Variants in XKR6 observed in about 807,000 individuals in gnomAD.
XKR6 encodes XK related 6.
Under a neutral mutation model 56.7 loss-of-function variants are expected in XKR6, and 22 were observed. The observed-to-expected ratio is 0.39, with a 90% CI of 0.28 to 0.55. XKR6 has a LOEUF of 0.55. XKR6 is among the 20% of genes least tolerant of loss of function. The pLI, the probability that XKR6 is intolerant of heterozygous loss-of-function variation, is 0.66. For synonymous variants in XKR6, 524 were observed against 387.8 expected, an observed-to-expected ratio of 1.35 and a Z score of -4.13; for missense variants, 852 against 889.0, an observed-to-expected ratio of 0.96 and a Z score of 0.53.
At chr8:11,059,045 G>C (rs140537391) in intron 1 of XKR6, among the ~76,000 whole-genome samples, 53 of 152,310 alleles carry the variant, frequency 3.5e-4, no homozygotes, top group African/African-American at 1.3e-3. Flanking sequence ...CCTTGGGCCA[G>C]AAAGCGGGGC....
chr8:11,091,979 C>A (rs1798086594), intron 1 of XKR6, among the ~76,000 whole-genome samples: 1 of 152,164 alleles, frequency 6.6e-6, no homozygotes, highest in Non-Finnish European at 1.5e-5. Context: ...TGCAAAAACC[C>A]TGCGGTTCAG....
intron 1 of XKR6, among the ~76,000 whole-genome samples, chr8:11,134,329 CAT>C (rs1283332741): frequency 3.3e-5 from 5 of 152,278 alleles, no homozygotes; most frequent in Admixed American, 3.3e-4. Context: ...AGACTTCTGT[CAT>C]ATGTATCTTT....
chr8:11,068,052 G>A (rs184265500), intron 1 of XKR6, among the ~76,000 whole-genome samples: 100 of 152,324 alleles, frequency 6.6e-4, no homozygotes, highest in Non-Finnish European at 5.3e-4. Flanking sequence ...TTTTCCTCCT[G>A]TCTCCAGGGC....
intron 1 of XKR6, among the ~76,000 whole-genome samples, chr8:10,942,899 G>C (rs1413355414): frequency 1.3e-5 from 2 of 152,214 alleles, no homozygotes; most frequent in African/African-American, 2.4e-5. Context: ...TCTGAGGGTG[G>C]AACAGTTGCC....
intron 2 of XKR6, among the ~76,000 whole-genome samples, chr8:10,907,287 T>A (rs1193611083): frequency 6.6e-6 from 1 of 152,108 alleles, no homozygotes; most frequent in African/African-American, 2.4e-5. Context: ...CGTAAGTGAG[T>A]GGGCCAAGGG....
chr8:11,121,131 G>A (rs1346427637), intron 1 of XKR6, among the ~76,000 whole-genome samples: 2 of 152,120 alleles, frequency 1.3e-5, no homozygotes, highest in African/African-American at 4.8e-5. Context: ...GCATGGGTGA[G>A]GACTTCATGT....
chr8:11,171,005 T>C (rs1802340527), intron 1 of XKR6, among the ~76,000 whole-genome samples: 1 of 152,236 alleles, frequency 6.6e-6, no homozygotes, highest in Non-Finnish European at 1.5e-5. Flanking sequence ...TTAGCAATCT[T>C]GAATTCTTGA....
chr8:10,900,040 A>G (rs926858016), intron 2 of XKR6, among the ~76,000 whole-genome samples: 8 of 152,046 alleles, frequency 5.3e-5, no homozygotes, highest in Non-Finnish European at 8.8e-5. Flanking sequence ...TCCACAGTCC[A>G]TCTGGGGCCT....
chr8:11,194,852 A>G (rs1803784864), intron 1 of XKR6: 1 of 427,718 alleles, frequency 2.3e-6, no homozygotes, highest in Admixed American at 4.0e-5. Context: ...CAGCCTTCTT[A>G]CAATACAGAT....
At chr8:11,073,456 G>A (rs1472514136) in intron 1 of XKR6, among the ~76,000 whole-genome samples, 1 of 152,188 alleles carries the variant, frequency 6.6e-6, no homozygotes, top group East Asian at 1.9e-4. Flanking sequence ...AGTGAGACAT[G>A]CCTAAGGTGT....
chr8:11,077,274 CTT>C (rs910541236), intron 1 of XKR6, among the ~76,000 whole-genome samples: 2 of 152,174 alleles, frequency 1.3e-5, no homozygotes, highest in Admixed American at 6.5e-5. Context: ...AGCGTGGCCT[CTT>C]TACCTGTGTG....
At chr8:10,996,114 T>C (rs1348198899) in intron 1 of XKR6, among the ~76,000 whole-genome samples, 2 of 152,256 alleles carry the variant, frequency 1.3e-5, no homozygotes, top group African/African-American at 2.4e-5. Context: ...GCAATGCTTA[T>C]AAAATGAAAT....
At chr8:11,130,612 G>GTT (rs578174148) in intron 1 of XKR6, among the ~76,000 whole-genome samples, 5 of 143,392 alleles carry the variant, frequency 3.5e-5, no homozygotes, top group Non-Finnish European at 4.6e-5. Context: ...TCCCTCGCCG[G>GTT]TTTTTTTTTT....
At chr8:10,911,972 A>T (rs1800387831) in intron 2 of XKR6, among the ~76,000 whole-genome samples, 1 of 150,068 alleles carries the variant, frequency 6.7e-6, no homozygotes, top group African/African-American at 2.5e-5. Context: ...TTACACATAT[A>T]TATGGAGAAA....
At chr8:11,059,680 C>G (rs183113232) in intron 1 of XKR6, among the ~76,000 whole-genome samples, 6 of 126,934 alleles carry the variant, frequency 4.7e-5, no homozygotes, top group South Asian at 2.3e-4. Flanking sequence ...ACAGGTGCGG[C>G]GGGCGCGGGG....
intron 1 of XKR6, among the ~76,000 whole-genome samples, chr8:10,963,073 A>T (rs1802111845): frequency 1.3e-5 from 2 of 152,182 alleles, no homozygotes; most frequent in Non-Finnish European, 2.9e-5. Flanking sequence ...CTGAACGCCC[A>T]ACAGCGCCAG....
At chr8:10,975,941 G>A (rs749468830) in intron 1 of XKR6, among the ~76,000 whole-genome samples, 6 of 152,178 alleles carry the variant, frequency 3.9e-5, no homozygotes, top group African/African-American at 7.2e-5. Context: ...TTGGGAGGCC[G>A]AGACGGGCAG....
chr8:10,908,405 G>A (rs1424627763), intron 2 of XKR6, among the ~76,000 whole-genome samples: 2 of 151,244 alleles, frequency 1.3e-5, no homozygotes, highest in African/African-American at 2.4e-5. Context: ...GGAGTCACCC[G>A]TGGAACCAGC....
chr8:10,926,946 G>A (rs1399610569), intron 1 of XKR6, among the ~76,000 whole-genome samples: 1 of 152,230 alleles, frequency 6.6e-6, no homozygotes, highest in Admixed American at 6.5e-5. Flanking sequence ...CAGAGACATA[G>A]AGATAGACAG....
Sources: allele counts gnomAD v4.1 joint callset (sites outside exome capture counted in the v4.1 genomes callset), GRCh38; gene constraint gnomAD v4.1.1; transcripts MANE v1.5; gene names NCBI Gene and HGNC (gene_info 2026-07-23, HGNC 2026-07-21).